Variants in ITSN1 observed in about 807,000 individuals in gnomAD.
ITSN1 encodes intersectin-1.
A neutral mutation model predicts 239.8 loss-of-function variants in ITSN1; 58 were observed. That is an observed-to-expected ratio of 0.24 (90% CI 0.20 to 0.30). The LOEUF is 0.30. ITSN1 is among the 10% of genes least tolerant of loss of function. ITSN1 has a pLI of 1.00. For missense variants in ITSN1, 1,558 were observed against 2,103.3 expected (o/e 0.74, Z 5.07); for synonymous variants, 780 against 770.8 (o/e 1.01, Z -0.20).
At position 33,797,375 on chromosome 21, in the gene ITSN1, G is replaced by C. The variant is rs1296327391; in HGVS notation, c.1953-4G>C. On this transcript the variant is annotated splice_polypyrimidine_tract_variant and splice_region_variant and intron_variant, in intron 17 of 39. Transcript: ENST00000381318. This position sits in a 1 kb window ranked among gnomAD's most constrained non-coding sequence, Gnocchi z 4.9. The stretch of plus-strand genomic sequence containing the variant: ...TTGCTGTAATCAAGCGTGTTTGTTG[G>C]CAGACGAGCTCAGGAAAGGGACAAG... 18 of 1,612,934 alleles carry C rather than the reference G, an allele frequency of 1.1e-5. No individual in the cohort carries two copies. Among genetic ancestry groups the C allele is most frequent in the Non-Finnish European group, 1.5e-5 (18 of 1,179,378 alleles).
intron 29 of ITSN1, among the ~76,000 whole-genome samples, chr21:33,849,534 C>G (rs1489477258): frequency 2.1e-5 from 3 of 145,538 alleles, no homozygotes; most frequent in South Asian, 4.3e-4. Flanking sequence ...CCATTGCACT[C>G]TAGCCTGGGC....
intron 2 of ITSN1, 68 bp downstream of exon 2, chr21:33,718,924 C>G (rs1433902991): frequency 1.7e-6 from 2 of 1,210,730 alleles, no homozygotes; most frequent in Non-Finnish European, 2.4e-6. Context: ...GATATTATGG[C>G]AAATTTAAAA....
intron 32 of ITSN1, 125 bp from the exon 33 acceptor site, chr21:33,867,108 G>A: frequency 1.6e-6 from 1 of 642,198 alleles, no homozygotes; most frequent in Non-Finnish European, 2.8e-6. Flanking sequence ...CCAACCCCAG[G>A]TCTCTCAGTT....
At chr21:33,645,598 C>T (rs2146043493) in intron 1 of ITSN1, among the ~76,000 whole-genome samples, 1 of 152,262 alleles carries the variant, frequency 6.6e-6, no homozygotes, top group African/African-American at 2.4e-5. Flanking sequence ...TGCAGTGAGC[C>T]ATGATTGCCC....
intron 36 of ITSN1, among the ~76,000 whole-genome samples, chr21:33,884,352 C>T (rs73354006): frequency 0.016 from 2,440 of 152,222 alleles, 65 homozygotes; most frequent in African/African-American, 0.055. Flanking sequence ...CACGCAAACC[C>T]AAACCTCTCC....
At chr21:33,742,737 C>T (rs1426634530) in intron 5 of ITSN1, among the ~76,000 whole-genome samples, 2 of 151,958 alleles carry the variant, frequency 1.3e-5, no homozygotes, top group Admixed American at 6.5e-5. Flanking sequence ...GACATGGATA[C>T]AAAGGAAAGA....
At chr21:33,883,967 A>G (rs1602717192) in intron 36 of ITSN1, among the ~76,000 whole-genome samples, 2 of 143,128 alleles carry the variant, frequency 1.4e-5, no homozygotes, top group Middle Eastern at 7.3e-3. Context: ...TAGTGCAGTC[A>G]CAGCTCACTG....
At chr21:33,805,703 T>G (rs1332821001) in intron 20 of ITSN1, among the ~76,000 whole-genome samples, 2 of 151,738 alleles carry the variant, frequency 1.3e-5, no homozygotes, top group African/African-American at 4.8e-5. Context: ...ACGGAGTCTC[T>G]CTCTGTCGCC....
intron 1 of ITSN1, among the ~76,000 whole-genome samples, chr21:33,655,572 A>G (rs1282960860): frequency 3.4e-5 from 5 of 146,056 alleles, no homozygotes; most frequent in Non-Finnish European, 7.5e-5. Flanking sequence ...AGGCACCACC[A>G]TGCCTGGCTA....
At chr21:33,654,776 A>G in intron 1 of ITSN1, among the ~76,000 whole-genome samples, 1 of 152,192 alleles carries the variant, frequency 6.6e-6, no homozygotes, top group South Asian at 2.1e-4. Context: ...AAGAAAGATG[A>G]TTTATGGATG....
At chr21:33,868,348 C>A (rs1213050983) in intron 33 of ITSN1, among the ~76,000 whole-genome samples, 1 of 152,254 alleles carries the variant, frequency 6.6e-6, no homozygotes, top group Non-Finnish European at 1.5e-5. Flanking sequence ...GTCGATGGGA[C>A]TGGGCGCCGT....
At chr21:33,680,323 C>CTTTTCT (rs1555866336) in intron 1 of ITSN1, among the ~76,000 whole-genome samples, 12 of 147,520 alleles carry the variant, frequency 8.1e-5, no homozygotes, top group African/African-American at 2.8e-4. Context: ...CTTTTTCTTT[C>CTTTTCT]TTTTCTTTTT....
intron 11 of ITSN1, among the ~76,000 whole-genome samples, chr21:33,768,858 C>T (rs902979264): frequency 1.3e-5 from 2 of 152,174 alleles, no homozygotes; most frequent in African/African-American, 2.4e-5. Flanking sequence ...AAATATTTTA[C>T]GTGCAAGCCT....
At chr21:33,711,635 A>G (rs753525394) in intron 1 of ITSN1, among the ~76,000 whole-genome samples, 39 of 131,434 alleles carry the variant, frequency 3.0e-4, no homozygotes, top group South Asian at 2.5e-4. Flanking sequence ...CTTTTTGGCT[A>G]TGTCTTTTTC....
chr21:33,800,025 G>A lies in ITSN1; in HGVS notation c.2304+96G>A. On this transcript the variant is annotated intron_variant, in intron 19 of 39. Coordinates refer to ENST00000381318, the MANE Select transcript of ITSN1 (RefSeq NM_003024.3). ...TCAACAATTGTGAGATTGTCAGTGA[G>A]TATGAAACCCAATAATCCAGCATCT... 5 of 1,231,498 alleles carry A rather than the reference G, an allele frequency of 4.1e-6. No individual in the cohort carries two copies. In the Admixed American group the frequency reaches 7.5e-5, roughly 18 times the overall value. The allele number at this position is 1,231,498 out of a possible 1,614,324, so 76.3% of individuals were successfully genotyped here. A position where few individuals can be genotyped will look rare whatever the true frequency, so the allele number is the denominator to read the frequency against.
chr21:33,730,385 GTTC>G (rs2066097542), intron 4 of ITSN1, among the ~76,000 whole-genome samples: 2 of 75,878 alleles, frequency 2.6e-5, no homozygotes, highest in African/African-American at 4.8e-5. Flanking sequence ...AATGCTCTCT[GTTC>G]TTTTTTTTTT....
chr21:33,692,845 A>G (rs1288292924), intron 1 of ITSN1, among the ~76,000 whole-genome samples: 3 of 151,540 alleles, frequency 2.0e-5, no homozygotes, highest in Non-Finnish European at 4.4e-5. Flanking sequence ...ATCTTGGCTT[A>G]CTGCACCCTC....
In ITSN1 at chr21:33,690,027, T is replaced by C. The variant is rs538602591; in HGVS notation, c.-32-28770T>C. 6.1e-5 allele frequency among the ~76,000 whole-genome samples: 9 copies of C among 146,716 alleles called. No homozygotes were observed. The South Asian group carries it at 2.0e-3, about 32-fold the overall frequency. ...GGCCGGGTGCAGTGGCTCACACTTGTAATCCTAGCACTTTGGGAGGCCAAG... is the reference window on the plus strand; with the variant it reads ...GGCCGGGTGCAGTGGCTCACACTTGCAATCCTAGCACTTTGGGAGGCCAAG... On this transcript the variant is annotated intron_variant, in intron 1 of 39. Transcript: ENST00000381318.
At chr21:33,667,250 G>A (rs1414370421) in intron 1 of ITSN1, among the ~76,000 whole-genome samples, 6 of 150,736 alleles carry the variant, frequency 4.0e-5, no homozygotes, top group African/African-American at 1.5e-4. Context: ...ACTTGTATAT[G>A]TCTGGATTTT....
Sources: gnomAD v4.1 joint callset for allele counts (sites outside exome capture counted in the v4.1 genomes callset) on GRCh38, gnomAD v4.1.1 for gene constraint, Gnocchi (gnomAD v3.1) non-coding constraint, MANE v1.5 for transcripts, NCBI Gene and HGNC (gene_info 2026-07-23, HGNC 2026-07-21) for gene names.